Variants in PRELID2 observed in about 807,000 individuals in gnomAD.
PRELID2 encodes PRELI domain containing 2.
Under a neutral mutation model 28.4 loss-of-function variants are expected in PRELID2, and 25 were observed. The observed-to-expected ratio is 0.88, with a 90% CI of 0.64 to 1.23. The LOEUF (loss-of-function observed/expected upper bound fraction) is 1.23, where lower values mean the gene tolerates loss of function less well. Ranked by LOEUF, PRELID2 falls within the 50% of genes most tolerant of loss-of-function variation. PRELID2 has a pLI of 0.00. For missense variants in PRELID2, 201 were observed against 214.4 expected (o/e 0.94, Z 0.39); for synonymous variants, 76 against 71.6 (o/e 1.06, Z -0.31).
intron 1 of PRELID2, among the ~76,000 whole-genome samples, chr5:145,539,206 T>C (rs761981263): frequency 2.6e-5 from 4 of 151,940 alleles, no homozygotes; most frequent in Non-Finnish European, 5.9e-5. Flanking sequence ...ACACCAAAAA[T>C]GGAGAATTTA....
the PRELID2 span, among the ~76,000 whole-genome samples, chr5:145,266,925 C>T: frequency 6.6e-6 from 1 of 152,006 alleles, no homozygotes; most frequent in African/African-American, 2.4e-5. Context: ...TTAAGTAACT[C>T]GGTAATGGAA....
At chr5:145,664,609 C>G (rs1198094171) in intron 1 of PRELID2, among the ~76,000 whole-genome samples, 2 of 152,094 alleles carry the variant, frequency 1.3e-5, no homozygotes, top group Non-Finnish European at 2.9e-5. Context: ...ACTCTTTGAG[C>G]CAGCAAAGGA....
At chr5:145,580,049 T>C (rs180692641) in intron 1 of PRELID2, among the ~76,000 whole-genome samples, 2 of 152,132 alleles carry the variant, frequency 1.3e-5, no homozygotes, top group Non-Finnish European at 2.9e-5. Flanking sequence ...GAATTCAATC[T>C]ATTGACCATT....
At chr5:145,717,807 A>G (rs561993868) in intron 1 of PRELID2, among the ~76,000 whole-genome samples, 24 of 152,018 alleles carry the variant, frequency 1.6e-4, no homozygotes, top group Middle Eastern at 3.4e-3. Context: ...CCAAAGTGCT[A>G]AGATCAATAC....
chr5:145,232,726 A>T, the PRELID2 span, among the ~76,000 whole-genome samples: 1 of 152,092 alleles, frequency 6.6e-6, no homozygotes, highest in Non-Finnish European at 1.5e-5. Flanking sequence ...AATTCATGTG[A>T]CTCAGAAGTC....
the PRELID2 span, among the ~76,000 whole-genome samples, chr5:145,282,730 G>A: frequency 6.6e-6 from 1 of 151,992 alleles, no homozygotes; most frequent in Non-Finnish European, 1.5e-5. Context: ...TTTTGACCAG[G>A]CTGGTCTTGA....
At chr5:145,652,419 G>A (rs1214151996) in intron 1 of PRELID2, among the ~76,000 whole-genome samples, 1 of 152,108 alleles carries the variant, frequency 6.6e-6, no homozygotes, top group Non-Finnish European at 1.5e-5. Flanking sequence ...GATACTCCTT[G>A]AGAAGAGCAA....
At chr5:145,373,089 AT>A in the PRELID2 span, among the ~76,000 whole-genome samples, 8 of 15,530 alleles carry the variant, frequency 5.2e-4, no homozygotes, top group African/African-American at 1.7e-3. Flanking sequence ...AACATATATA[AT>A]ATATATGATA....
At chr5:145,637,518 AAAAAG>A (rs1754019871) in intron 1 of PRELID2, among the ~76,000 whole-genome samples, 2 of 152,244 alleles carry the variant, frequency 1.3e-5, no homozygotes, top group Non-Finnish European at 2.9e-5. Context: ...GCCAAAAAAA[AAAAAG>A]AAAAGCATTT....
the PRELID2 span, among the ~76,000 whole-genome samples, chr5:145,342,435 T>C: frequency 6.6e-6 from 1 of 151,930 alleles, no homozygotes; most frequent in Admixed American, 6.6e-5. Flanking sequence ...AAAGAATATG[T>C]GAAACAACCA....
At chr5:145,315,881 CAT>C in the PRELID2 span, among the ~76,000 whole-genome samples, 6 of 152,120 alleles carry the variant, frequency 3.9e-5, no homozygotes, top group Admixed American at 1.3e-4. Flanking sequence ...ACATCTTAAA[CAT>C]ATACAATTTT....
rs1019135978 is a variant in PRELID2, at chr5:145,756,624, T to G, written c.*3912A>C. ...GCCGCGAGTTCACAAATATGACAAC[T>G]GCAGATGAGGATAAAGAAGTAAGTT... On this transcript the variant is annotated 3_prime_UTR_variant, in exon 7 of 7. Coordinates refer to ENST00000683046, the MANE Select transcript of PRELID2 (RefSeq NM_205846.3). Among the ~76,000 whole-genome samples, 4 of 152,288 alleles carry G rather than the reference T, an allele frequency of 2.6e-5. No homozygotes were observed. The highest frequency in any genetic ancestry group is 6.5e-5 in the Admixed American group (1 of 15,288).
Position 145,530,995 on chromosome 5 carries a change from T to C in PRELID2, n.71-57680A>G, listed in dbSNP as rs577648240. Among the ~76,000 whole-genome samples the C allele has an allele frequency of 8.5e-5, 13 of 152,276 alleles. No homozygotes were observed. In the East Asian group the frequency reaches 2.5e-3, roughly 29 times the overall value. Reference sequence around the variant, plus strand: ...GGTATAGTTCAAAAGTTCTTTCATTTTGGTTTTGTTTTTTAATTGGAAGTA... The same window carrying C: ...GGTATAGTTCAAAAGTTCTTTCATTCTGGTTTTGTTTTTTAATTGGAAGTA... On this transcript the variant is annotated intron_variant and non_coding_transcript_variant, in intron 1 of 2. Transcript: ENST00000510259.
At chr5:145,286,584 T>A in the PRELID2 span, among the ~76,000 whole-genome samples, 1 of 152,106 alleles carries the variant, frequency 6.6e-6, no homozygotes, top group Admixed American at 6.6e-5. Context: ...TCAAAATACC[T>A]CTCAAGAAGC....
At chr5:145,353,234 G>A in the PRELID2 span, among the ~76,000 whole-genome samples, 2 of 152,098 alleles carry the variant, frequency 1.3e-5, no homozygotes, top group Non-Finnish European at 2.9e-5. Flanking sequence ...GAGGTGAGTG[G>A]ATTACTTGAG....
At chr5:145,513,041 A>C (rs1326596669) in intron 1 of PRELID2, among the ~76,000 whole-genome samples, 1 of 152,186 alleles carries the variant, frequency 6.6e-6, no homozygotes, top group Admixed American at 6.5e-5. Flanking sequence ...AAAACAGCTC[A>C]GAAAGGCCAA....
At chr5:145,477,207 G>A (rs1009551105) in intron 1 of PRELID2, among the ~76,000 whole-genome samples, 2 of 152,150 alleles carry the variant, frequency 1.3e-5, no homozygotes, top group Non-Finnish European at 2.9e-5. Context: ...ACCAAGATTG[G>A]ATCTTTGCAC....
chr5:145,816,290 T>C (rs1470069455), intron 4 of PRELID2, among the ~76,000 whole-genome samples: 3 of 151,796 alleles, frequency 2.0e-5, no homozygotes. Flanking sequence ...GCCATGTGAC[T>C]AGGGTGGTCT....
rs6149278 is a variant in PRELID2 at position 145,817,421 on chromosome 5, T to TTATATATA, written c.368+465_368+472dup. On this transcript the variant is annotated intron_variant, in intron 4 of 6. Transcript: ENST00000683046. ...TATGCAATAAAGGAATAAGCTAGTT[T>TTATATATA]TATATATATATATATATATATATAT... Among the ~76,000 whole-genome samples the TTATATATA allele has an allele frequency of 8.5e-3, 878 of 103,554 alleles. 16 individuals carry two copies. Among genetic ancestry groups the TTATATATA allele is most frequent in the African/African-American group, 0.025 (757 of 29,850 alleles). The allele number at this position is 103,554 out of a possible 152,430, so 67.9% of individuals were successfully genotyped here.
Sources: gnomAD v4.1 joint callset for allele counts (sites outside exome capture counted in the v4.1 genomes callset) on GRCh38, gnomAD v4.1.1 for gene constraint, MANE v1.5 for transcripts, NCBI Gene and HGNC (gene_info 2026-07-23, HGNC 2026-07-21) for gene names.